The following ACAP1 variants were observed in gnomAD, a reference collection of about 807,000 sequenced individuals.
ACAP1 encodes ArfGAP with coiled-coil, ankyrin repeat and PH domains 1.
ACAP1 carries 45 observed loss-of-function variants against 98.8 expected under a neutral mutation model. The observed-to-expected ratio is 0.46, with a 90% CI of 0.36 to 0.58. ACAP1 has a LOEUF of 0.58. ACAP1 is among the 20% of genes least tolerant of loss of function. The pLI is 0.00. For synonymous variants in ACAP1, 362 were observed against 375.3 expected (o/e 0.96, Z 0.41); for missense variants, 735 against 971.4 (o/e 0.76, Z 3.24).
rs144489925 is a variant in ACAP1, at chr17:7,336,740, G to C, written c.6G>C (p.Thr2=). M[T]VKLDFEECLK... Reference sequence around the variant, plus strand: ...CCCACAGCAGGCAAGCTGAGATGACGGTCAAGCTGGATTTCGAGGAGTGTC... The same window carrying C: ...CCCACAGCAGGCAAGCTGAGATGACCGTCAAGCTGGATTTCGAGGAGTGTC... Residue 2 remains threonine, a synonymous_variant, in exon 1 of 22, where the codon ACG becomes ACC. Transcript: ENST00000158762. 1.2e-6 allele frequency: 2 copies of C among 1,613,868 alleles called. No homozygotes were observed. Among genetic ancestry groups the C allele is most frequent in the South Asian group, 1.1e-5 (1 of 91,082 alleles).
chr17:7,338,883 G>A (rs766104260), intron 2 of ACAP1, among the ~76,000 whole-genome samples: 1 of 151,898 alleles, frequency 6.6e-6, no homozygotes, highest in Non-Finnish European at 1.5e-5. Flanking sequence ...TGACTCAGGA[G>A]ACTAGTGAGG....
chr17:7,346,614 C>T, intron 12 of ACAP1, 123 bp downstream of exon 12: 1 of 1,192,724 alleles, frequency 8.4e-7, no homozygotes, highest in Non-Finnish European at 1.2e-6. Flanking sequence ...TCTTTGGCGG[C>T]TGGACTGGGG....
At chr17:7,341,614 T>C (rs952502236) in intron 2 of ACAP1, among the ~76,000 whole-genome samples, 13 of 152,162 alleles carry the variant, frequency 8.5e-5, no homozygotes, top group Non-Finnish European at 1.9e-4. Context: ...GCTCTGGATC[T>C]AAGCAGGTAG....
At position 7,337,334 on chromosome 17, in the gene ACAP1, G is replaced by A. The variant is rs1292153680; in HGVS notation, c.76G>A (p.Ala26Thr). 6.2e-7 allele frequency: 1 copy of A among 1,614,186 alleles called. No individual in the cohort carries two copies. The highest frequency in any genetic ancestry group is 1.7e-5 in the Admixed American group (1 of 60,020). The change falls in exon 2 of 22, where the codon GCC becomes ACC. Residue 26 changes from alanine to threonine, a missense_variant. Physicochemically the swap from Ala to Thr is moderately conservative, Grantham distance 58. Around this residue, in one of 5 missense-constraint regions of ACAP1, gnomAD observed 430 missense variants for 531.8 expected, o/e 0.81. Coordinates refer to ENST00000158762, the MANE Select transcript of ACAP1 (RefSeq NM_014716.4). ...CAGAGCCTCTATTGAGCTGGTGGAA[G>A]CCGAAGTGTCAGAATTGGAGACCCG... ...RFRASIELVE[A>T]EVSELETRLE...
rs1181300163 is a variant in ACAP1 at position 7,343,887 on chromosome 17, T to C, written c.600T>C (p.Ala200=). The change falls in exon 8 of 22, where the codon GCT becomes GCC. Residue 200 remains alanine (A), a synonymous_variant. Transcript: ENST00000158762. This position sits in a 1 kb window ranked among gnomAD's most constrained non-coding sequence, Gnocchi z 4.9. ...TGCTGCGTTTGGTGGAGGCCCAGGC[T>C]ACCCATTTCCAGCAGGGCCATGAGG... is the stretch of plus-strand genomic sequence containing the variant. The part of the protein sequence containing the change: ...EFVLRLVEAQ[A]THFQQGHEEL... The C allele has an allele frequency of 6.2e-7, 1 of 1,613,194 alleles. No homozygotes were observed. The highest frequency in any genetic ancestry group is 1.7e-4 in the Middle Eastern group (1 of 6,046).
intron 18 of ACAP1, 101 bp downstream of exon 18, chr17:7,349,268 A>AT: frequency 4.6e-6 from 6 of 1,317,480 alleles, no homozygotes; most frequent in Non-Finnish European, 6.2e-6. Context: ...CCTGTTCCCT[A>AT]GGGCTTCCAC....
rs2143016838 is a variant in ACAP1, at chr17:7,343,566, C to T, written c.528+4C>T. The T allele has an allele frequency of 5.0e-6, 8 of 1,608,942 alleles. No homozygotes were observed. Among genetic ancestry groups the T allele is most frequent in the Non-Finnish European group, 6.8e-6 (8 of 1,176,368 alleles). On this transcript the variant is annotated splice_donor_region_variant and intron_variant, in intron 6 of 21. Coordinates refer to ENST00000158762, the MANE Select transcript of ACAP1 (RefSeq NM_014716.4). This position sits in a 1 kb window ranked among gnomAD's most constrained non-coding sequence, Gnocchi z 4.9. ...GGCACTGGATTATGCCCTGCAGGTG[C>T]CTGCCCCAATCTGTCTTCCTGGGGT...
At position 7,347,937 on chromosome 17, in the gene ACAP1, C is replaced by G; in HGVS notation, c.1359C>G (p.His453Gln). ...CSGIHRSLGVHFSKVRSLTLD... is the reference protein window; with the variant it reads ...CSGIHRSLGVQFSKVRSLTLD... ...GGCCCTCCAGGAGCCTTGGTGTTCA[C>G]TTCTCCAAAGTCCGGTCTCTGACCC... Residue 453 changes from histidine (H) to glutamine (Q), a missense_variant, in exon 15 of 22, where the codon CAC (histidine) becomes CAG (glutamine). His to Gln is a conservative substitution (Grantham distance 24). Transcript: ENST00000158762. The G allele has an allele frequency of 6.2e-7, 1 of 1,614,194 alleles. No individual in the cohort carries two copies. Among genetic ancestry groups the G allele is most frequent in the Non-Finnish European group, 8.5e-7 (1 of 1,180,016 alleles).
In ACAP1 at chr17:7,344,501, C is replaced by A; in HGVS notation, c.745-38C>A. ...CAGATGCCTATGGCCTTGGTGTCTG[C>A]CCATCTCAGTTGCCCTTTGATCCTC... On this transcript the variant is annotated intron_variant, in intron 9 of 21. Transcript: ENST00000158762. This position sits in a 1 kb window ranked among gnomAD's most constrained non-coding sequence, Gnocchi z 4.9. 1 of 1,454,266 alleles carries A rather than the reference C, an allele frequency of 6.9e-7. No individual in the cohort carries two copies. Among genetic ancestry groups the A allele is most frequent in the Non-Finnish European group, 9.4e-7 (1 of 1,059,764 alleles). The allele number at this position is 1,454,266 out of a possible 1,614,324, so 90.1% of individuals were successfully genotyped here. A position where few individuals can be genotyped will look rare whatever the true frequency, so the allele number is the denominator to read the frequency against.
In ACAP1 at chr17:7,347,638, G is replaced by A. The variant is rs2073359955; in HGVS notation, c.1344-284G>A. 5.3e-6 allele frequency: 3 copies of A among 564,336 alleles called. No homozygotes were observed. In the South Asian group the frequency reaches 6.4e-5, roughly 12 times the overall value. 35.0% of individuals were successfully genotyped at this position (564,336 alleles called of 1,614,324 possible). ...GAGGTGACATGGGAGAGGTTGTCCA[G>A]GCCAAAGTGTCACAAGTGTCACTAG... is the stretch of plus-strand genomic sequence containing the variant. On this transcript the variant is annotated intron_variant, in intron 14 of 21. Transcript: ENST00000158762.
In ACAP1 at chr17:7,348,350, A is replaced by T. The variant is rs371847650; in HGVS notation, c.1553A>T (p.Lys518Met). ...AWIHAKYVEK[K>M]FLTKLPEIRG... ...ATTCACGCTAAATACGTGGAGAAGA[A>T]GTTCCTGACCAAGCTGCCTGAGATT... Residue 518 changes from lysine (K) to methionine (M), a missense_variant, in exon 17 of 22, where the codon AAG becomes ATG. By Grantham distance (95) the Lys-to-Met change is moderately conservative (BLOSUM62 -1). Transcript: ENST00000158762. 77 of 1,574,052 alleles carry T rather than the reference A, an allele frequency of 4.9e-5. No individual in the cohort carries two copies. The highest frequency in any genetic ancestry group is 7.4e-5 in the Admixed American group (4 of 53,916).
In ACAP1 at chr17:7,343,834, C is replaced by A. The variant is rs1172325177; in HGVS notation, c.574-27C>A. 4 of 1,613,858 alleles carry A rather than the reference C, an allele frequency of 2.5e-6. No individual in the cohort carries two copies. The highest frequency in any genetic ancestry group is 2.5e-6 in the Non-Finnish European group (3 of 1,179,940). ...ATGGGGAGAGGGGTTCTTCCTCAGC[C>A]TTCCCACTGCCCGCCTTGTCCCCCA... On this transcript the variant is annotated intron_variant, in intron 7 of 21. Coordinates refer to ENST00000158762, the MANE Select transcript of ACAP1 (RefSeq NM_014716.4). This position sits in a 1 kb window ranked among gnomAD's most constrained non-coding sequence, Gnocchi z 4.9.
At position 7,348,394 on chromosome 17, in the gene ACAP1, C is replaced by T. The variant is rs35019942; in HGVS notation, c.1597C>T (p.Arg533Trp). The change falls in exon 17 of 22, where the codon CGG becomes TGG. Residue 533 changes from arginine to tryptophan, a missense_variant. Arg to Trp is a moderately radical substitution (Grantham distance 101). Transcript: ENST00000158762. ...LPEIRGRRGG[R>W]GRPRGQPPVP... is the part of the protein sequence containing the mutation. ...TGAGATTCGAGGGCGAAGAGGTGGC[C>T]GGGGGCGCCCAAGGGGGCAGCCTCC... 17,887 of 1,558,334 alleles carry T rather than the reference C, an allele frequency of 0.011. 121 individuals are homozygous for T. The highest frequency in any genetic ancestry group is 0.014 in the Middle Eastern group (81 of 5,834).
Position 7,343,677 on chromosome 17 carries a change from GT to G in ACAP1, c.529-23del. The G allele has an allele frequency of 6.2e-7, 1 of 1,610,688 alleles. No individual in the cohort carries two copies. The highest frequency in any genetic ancestry group is 1.1e-5 in the South Asian group (1 of 90,648). On this transcript the variant is annotated intron_variant, in intron 6 of 21. Coordinates refer to ENST00000158762, the MANE Select transcript of ACAP1 (RefSeq NM_014716.4). This position sits in a 1 kb window ranked among gnomAD's most constrained non-coding sequence, Gnocchi z 4.9. Reference sequence around the variant, plus strand: ...GCTGTGTCTTCAAGACTGATCTGGGGTTTTTTACGTCCTCTTTTACGTCCTC... The same window carrying G: ...GCTGTGTCTTCAAGACTGATCTGGGGTTTTTACGTCCTCTTTTACGTCCTC...
chr17:7,346,850 G>A lies in ACAP1; in HGVS notation c.1050G>A (p.Leu350=), dbSNP rs764682682. The A allele has an allele frequency of 9.9e-6, 16 of 1,613,544 alleles. No individual in the cohort carries two copies. The South Asian group carries it at 1.4e-4, about 14-fold the overall frequency. The change falls in exon 13 of 22, where the codon CTG becomes CTA. Residue 350 remains leucine (L), a synonymous_variant. Transcript: ENST00000158762. ...LQADSERLLQ[L]WVSAVQSSIA... ...CTGACTCAGAGCGCCTCCTGCAGCT[G>A]TGGGTCAGTGCTGTGCAGAGCAGCA...
chr17:7,351,218 A>G, intron 21 of ACAP1, 77 bp from the exon 22 acceptor site: 2 of 1,304,382 alleles, frequency 1.5e-6, no homozygotes, highest in Non-Finnish European at 1.1e-6. Flanking sequence ...CGAGGTCCCC[A>G]GGTGGGCCCC....
intron 1 of ACAP1, 91 bp downstream of exon 1, chr17:7,336,878 G>T: frequency 6.9e-7 from 1 of 1,439,204 alleles, no homozygotes; most frequent in South Asian, 1.2e-5. Flanking sequence ...TCTCCTTCCA[G>T]GGAGCAGGCC....
In ACAP1 at chr17:7,343,789, C is replaced by T; in HGVS notation, c.573+39C>T. On this transcript the variant is annotated intron_variant, in intron 7 of 21. Transcript: ENST00000158762. The surrounding 1 kb of genome is among the most constrained non-coding windows in gnomAD (Gnocchi z 4.9). The stretch of plus-strand genomic sequence containing the variant: ...GGGGTGAGGGCAGGGTGGAGAAGAG[C>T]CTGCTGCCAGCACAAGGGAATGGGG... 1 of 1,612,514 alleles carries T rather than the reference C, an allele frequency of 6.2e-7. No individual in the cohort carries two copies. Among genetic ancestry groups the T allele is most frequent in the Non-Finnish European group, 8.5e-7 (1 of 1,179,314 alleles).
intron 14 of ACAP1, 79 bp from the exon 15 acceptor site, chr17:7,347,843 G>C: frequency 7.8e-7 from 1 of 1,278,876 alleles, no homozygotes; most frequent in Non-Finnish European, 1.1e-6. Context: ...TTGCCTCCCA[G>C]TGTCTTCAGG....
Sources: gnomAD v4.1 joint callset for allele counts (sites outside exome capture counted in the v4.1 genomes callset) on GRCh38, gnomAD v4.1.1 for gene constraint, gnomAD v4.1.1 regional missense constraint, Gnocchi (gnomAD v3.1) non-coding constraint, MANE v1.5 for transcripts, NCBI Gene and HGNC (gene_info 2026-07-23, HGNC 2026-07-21) for gene names.